The following FBXL17 variants were observed in gnomAD, a reference collection of about 807,000 sequenced individuals.
FBXL17 encodes the protein F-box/LRR-repeat protein 17.
A neutral mutation model predicts 66.2 loss-of-function variants in FBXL17; 22 were observed. The ratio of observed to expected loss-of-function variants is 0.33; its 90% CI spans 0.24 to 0.47. The LOEUF is 0.47. Ranked by LOEUF, FBXL17 falls within the 20% of genes least tolerant of loss-of-function variation. FBXL17 has a pLI of 1.00. For missense variants in FBXL17, 878 were observed against 948.2 expected, an observed-to-expected ratio of 0.93 and a Z score of 0.97; for synonymous variants, 474 against 400.5, an observed-to-expected ratio of 1.18 and a Z score of -2.19.
At chr5:107,936,427 A>C (rs752939579) in intron 7 of FBXL17, among the ~76,000 whole-genome samples, 72 of 152,152 alleles carry the variant, frequency 4.7e-4, no homozygotes, top group South Asian at 6.2e-4. Context: ...TTAATTTACT[A>C]TTTATTTTTT....
chr5:107,960,924 T>C (rs974497334), intron 7 of FBXL17, among the ~76,000 whole-genome samples: 1 of 152,116 alleles, frequency 6.6e-6, no homozygotes, highest in African/African-American at 2.4e-5. Context: ...ACATTTTCAG[T>C]AGAGTGTGAC....
intron 7 of FBXL17, among the ~76,000 whole-genome samples, chr5:107,985,824 T>C (rs1752992179): frequency 1.3e-5 from 2 of 152,150 alleles, no homozygotes; most frequent in Non-Finnish European, 2.9e-5. Context: ...ATAATCTCTT[T>C]TGGTTTTGCT....
At chr5:107,862,201 G>A (rs1419628104) in intron 8 of FBXL17, among the ~76,000 whole-genome samples, 1 of 151,994 alleles carries the variant, frequency 6.6e-6, no homozygotes, top group East Asian at 1.9e-4. Flanking sequence ...GATAGCTAAT[G>A]TGCATTTGAC....
chr5:107,918,369 G>A (rs1466427741), intron 7 of FBXL17, among the ~76,000 whole-genome samples: 3 of 152,178 alleles, frequency 2.0e-5, no homozygotes, highest in Non-Finnish European at 4.4e-5. Context: ...ATCTAGGGTT[G>A]CTGAGATTAC....
At chr5:107,967,965 A>G (rs780417386) in intron 7 of FBXL17, among the ~76,000 whole-genome samples, 1 of 152,154 alleles carries the variant, frequency 6.6e-6, no homozygotes, top group Non-Finnish European at 1.5e-5. Context: ...TGAAAATAGC[A>G]CATTATTTTT....
At chr5:108,143,869 C>T (rs1035491530) in intron 6 of FBXL17, among the ~76,000 whole-genome samples, 1 of 151,698 alleles carries the variant, frequency 6.6e-6, no homozygotes, top group Admixed American at 6.6e-5. Context: ...AACTCACATT[C>T]TTTAATTTCT....
At chr5:108,264,491 A>G (rs201061005) in intron 4 of FBXL17, among the ~76,000 whole-genome samples, 3 of 152,300 alleles carry the variant, frequency 2.0e-5, no homozygotes, top group East Asian at 3.9e-4. Flanking sequence ...ATAAAGTAGG[A>G]TAACAGGATG....
intron 6 of FBXL17, among the ~76,000 whole-genome samples, chr5:108,065,907 T>C (rs1200959451): frequency 6.6e-6 from 1 of 151,918 alleles, no homozygotes; most frequent in African/African-American, 2.4e-5. Context: ...GAGTCTCACA[T>C]AGGAAAGCGA....
At position 108,122,534 on chromosome 5, in the gene FBXL17, AC is replaced by A. The variant is rs369150464; in HGVS notation, c.1745+63582del. Among the ~76,000 whole-genome samples the A allele has an allele frequency of 4.8e-4, 73 of 152,358 alleles. 1 individual carries two copies. In the South Asian group the frequency reaches 0.013, roughly 27 times the overall value. ...CTTATGTTTTATGGTAACTTATTTT[AC>A]CATGAATGGGAGGTGAATGCATACA... On this transcript the variant is annotated intron_variant, in intron 6 of 8. Coordinates refer to ENST00000542267, the MANE Select transcript of FBXL17 (RefSeq NM_001163315.3).
intron 1 of FBXL17, among the ~76,000 whole-genome samples, chr5:108,371,909 A>G (rs1203329257): frequency 6.6e-6 from 1 of 152,144 alleles, no homozygotes; most frequent in Non-Finnish European, 1.5e-5. Context: ...TCATTAGCTC[A>G]AGAGCCCACT....
intron 6 of FBXL17, among the ~76,000 whole-genome samples, chr5:108,114,155 A>G (rs372580344): frequency 6.6e-6 from 1 of 152,306 alleles, no homozygotes; most frequent in South Asian, 2.1e-4. Flanking sequence ...AATAAACAAG[A>G]AAGTACCCCT....
At chr5:108,374,444 G>A (rs1301372857) in intron 1 of FBXL17, among the ~76,000 whole-genome samples, 1 of 152,108 alleles carries the variant, frequency 6.6e-6, no homozygotes, top group African/African-American at 2.4e-5. Flanking sequence ...GGCCGAGGGA[G>A]GCAGATCACT....
At chr5:107,865,468 C>T (rs1748245570) in intron 8 of FBXL17, among the ~76,000 whole-genome samples, 1 of 152,070 alleles carries the variant, frequency 6.6e-6, no homozygotes, top group South Asian at 2.1e-4. Flanking sequence ...TCCCAAAATG[C>T]AATTTACCTA....
intron 4 of FBXL17, among the ~76,000 whole-genome samples, chr5:108,303,914 C>CA (rs1249970675): frequency 6.6e-6 from 1 of 151,934 alleles, no homozygotes; most frequent in Admixed American, 6.6e-5. Flanking sequence ...AACAACGTAA[C>CA]AAAATCTCTC....
At chr5:108,030,871 G>A (rs1054995543) in intron 6 of FBXL17, among the ~76,000 whole-genome samples, 13 of 152,198 alleles carry the variant, frequency 8.5e-5, no homozygotes, top group East Asian at 1.9e-4. Flanking sequence ...TCTATAGGTC[G>A]TGAGGGCATC....
At chr5:108,148,290 A>G (rs1366462132) in intron 6 of FBXL17, among the ~76,000 whole-genome samples, 1 of 152,188 alleles carries the variant, frequency 6.6e-6, no homozygotes, top group Admixed American at 6.5e-5. Context: ...CTAAACAAAG[A>G]AAAAAATAAG....
intron 4 of FBXL17, among the ~76,000 whole-genome samples, chr5:108,246,882 G>C (rs911580207): frequency 6.6e-6 from 1 of 152,280 alleles, no homozygotes; most frequent in African/African-American, 2.4e-5. Context: ...GATGTATTTG[G>C]ATTAGTTTTG....
intron 4 of FBXL17, among the ~76,000 whole-genome samples, chr5:108,248,996 A>G (rs1410948450): frequency 6.6e-6 from 1 of 152,168 alleles, no homozygotes; most frequent in Admixed American, 6.6e-5. Context: ...AGGAAGAAAG[A>G]GCAACAGGAG....
intron 6 of FBXL17, among the ~76,000 whole-genome samples, chr5:108,044,450 T>C (rs1449341674): frequency 3.3e-5 from 5 of 152,184 alleles, no homozygotes; most frequent in African/African-American, 9.6e-5. Context: ...CATGTGATCT[T>C]TTGATTTTTG....
Sources: allele counts gnomAD v4.1 joint callset (sites outside exome capture counted in the v4.1 genomes callset), GRCh38; gene constraint gnomAD v4.1.1; transcripts MANE v1.5; gene names NCBI Gene and HGNC (gene_info 2026-07-23, HGNC 2026-07-21).